Variants in KLHL13 observed in about 807,000 individuals in gnomAD.
KLHL13 encodes the protein kelch like family member 13, also known as kelch-like protein 13.
A neutral mutation model predicts 37.1 loss-of-function variants in KLHL13; 10 were observed. That is an observed-to-expected ratio of 0.27 (90% confidence interval 0.17 to 0.46). KLHL13 has a LOEUF of 0.46. Among genes scored for constraint, KLHL13 ranks in the 20% least tolerant of loss-of-function variants. The pLI is 1.00. For synonymous variants in KLHL13, 163 were observed against 181.2 expected (o/e 0.90, Z 0.81); for missense variants, 360 against 509.3 (o/e 0.71, Z 2.82).
At chrX:118,075,834 G>A (rs2054922985) in intron 1 of KLHL13, among the ~76,000 whole-genome samples, 1 of 111,867 alleles carries the variant, frequency 8.9e-6, no homozygotes, top group Admixed American at 9.5e-5. Flanking sequence ...CTAACTGAAG[G>A]TTGGGTATGC....
intron 1 of KLHL13, among the ~76,000 whole-genome samples, chrX:118,031,296 CTCTT>C (rs1435010259): frequency 9.3e-6 from 1 of 107,788 alleles, no homozygotes; most frequent in African/African-American, 3.4e-5. Context: ...TACTCCTGTT[CTCTT>C]TGTCTTATTG....
chrX:118,011,098 A>G (rs1244427006), intron 1 of KLHL13, among the ~76,000 whole-genome samples: 1 of 108,759 alleles, frequency 9.2e-6, no homozygotes, highest in Non-Finnish European at 1.9e-5. Context: ...ATAAATAAAT[A>G]AATAAGAAAA....
intron 1 of KLHL13, among the ~76,000 whole-genome samples, chrX:118,101,631 G>A (rs866272985): frequency 2.7e-5 from 3 of 111,022 alleles, no homozygotes; most frequent in Middle Eastern, 4.6e-3. Context: ...TAGTGATATC[G>A]TTTGGCTCTG....
chrX:118,033,702 C>T (rs2054392772), intron 1 of KLHL13, among the ~76,000 whole-genome samples: 1 of 108,552 alleles, frequency 9.2e-6, no homozygotes, highest in African/African-American at 3.4e-5. Flanking sequence ...AAATCACCAG[C>T]TAACATCATA....
chrX:117,942,940 G>A (rs1257988355), intron 2 of KLHL13, among the ~76,000 whole-genome samples: 1 of 111,252 alleles, frequency 9.0e-6, no homozygotes, highest in Non-Finnish European at 1.9e-5. Flanking sequence ...TTACAATTTG[G>A]TATGTTTTTG....
At position 117,965,117 on chromosome X, in the gene KLHL13, T is replaced by G. The variant is rs776578481; in HGVS notation, c.98+7614A>C. ...GGTATATACCCAGTAATGGGATGGG[T>G]GGGTCAAATGGTATTTCTAGTTCTA... On this transcript the variant is annotated intron_variant, in intron 1 of 6. Transcript: ENST00000262820. Among the ~76,000 whole-genome samples the G allele has an allele frequency of 8.1e-5, 9 of 111,745 alleles. No homozygotes were observed. The South Asian group carries it at 3.4e-3, about 42-fold the overall frequency.
intron 4 of KLHL13, among the ~76,000 whole-genome samples, chrX:117,914,862 C>A (rs1014064010): frequency 8.9e-6 from 1 of 112,035 alleles, no homozygotes; most frequent in Non-Finnish European, 1.9e-5. Context: ...CAGGCTAGGC[C>A]TCTTCTTCCC....
intron 1 of KLHL13, among the ~76,000 whole-genome samples, chrX:117,953,358 A>G (rs1287918177): frequency 9.1e-6 from 1 of 110,425 alleles, no homozygotes; most frequent in African/African-American, 3.3e-5. Context: ...GAACAATGAG[A>G]AAACATGGAC....
chrX:117,942,801 A>C (rs774472953), intron 2 of KLHL13, among the ~76,000 whole-genome samples: 1 of 111,294 alleles, frequency 9.0e-6, no homozygotes, highest in South Asian at 3.9e-4. Context: ...TGTGTCTTTT[A>C]ATTGGGGCAT....
At chrX:118,079,598 C>G (rs1196214584) in intron 1 of KLHL13, among the ~76,000 whole-genome samples, 1 of 110,111 alleles carries the variant, frequency 9.1e-6, no homozygotes, top group Admixed American at 9.7e-5. Flanking sequence ...GGTAAAAGAT[C>G]TCTACAAGGA....
chrX:117,910,745 A>G (rs1362231935), intron 4 of KLHL13, among the ~76,000 whole-genome samples: 1 of 111,731 alleles, frequency 9.0e-6, no homozygotes, highest in African/African-American at 3.3e-5. Flanking sequence ...TCTTAAGGGC[A>G]GAGGGGTATA....
At chrX:117,962,041 A>AAATAATAATAATAAT (rs778789872) in intron 1 of KLHL13, among the ~76,000 whole-genome samples, 5,185 of 102,230 alleles carry the variant, frequency 0.051, 147 homozygotes, top group Middle Eastern at 0.12. Flanking sequence ...TCATCTCTAC[A>AAATAATAATAATAAT]AATAATAATA....
At chrX:117,993,837 A>C (rs2053822855) in intron 1 of KLHL13, among the ~76,000 whole-genome samples, 1 of 109,192 alleles carries the variant, frequency 9.2e-6, no homozygotes, top group South Asian at 4.1e-4. Context: ...CCTGGGTTCA[A>C]GCAATTCTCC....
intron 1 of KLHL13, among the ~76,000 whole-genome samples, chrX:118,101,003 C>T (rs1465193932): frequency 1.8e-5 from 2 of 111,148 alleles, no homozygotes; most frequent in Non-Finnish European, 1.9e-5. Context: ...AAGTGGAGGC[C>T]CTTGAGCAAG....
At position 118,082,269 on chromosome X, in the gene KLHL13, T is replaced by C. The variant is rs994273339; in HGVS notation, c.-56+34239A>G. On this transcript the variant is annotated intron_variant, in intron 1 of 6. Transcript: ENST00000371882. ...CCTTTTCTCCACATCATCCCCAGCA[T>C]TTATTTCATGTCTTTTTGATAATAG... Among the ~76,000 whole-genome samples the C allele has an allele frequency of 2.7e-5, 3 of 110,613 alleles. No homozygotes were observed. The Admixed American group carries it at 2.9e-4, about 11-fold the overall frequency.
intron 2 of KLHL13, among the ~76,000 whole-genome samples, chrX:117,926,459 A>G (rs1451987805): frequency 9.0e-6 from 1 of 111,332 alleles, no homozygotes; most frequent in Non-Finnish European, 1.9e-5. Flanking sequence ...CTGCAGAAAG[A>G]ACCGCCAAAA....
At chrX:117,906,251 C>T (rs1930528368) in intron 5 of KLHL13, among the ~76,000 whole-genome samples, 1 of 111,692 alleles carries the variant, frequency 9.0e-6, no homozygotes, top group Admixed American at 9.5e-5. Flanking sequence ...GAAATATAGG[C>T]AAGAGTTTCT....
chrX:117,909,225 G>T, intron 5 of KLHL13, 76 bp downstream of exon 6: 1 of 841,845 alleles, frequency 1.2e-6, no homozygotes, highest in Non-Finnish European at 1.7e-6. Flanking sequence ...GATTTTACAG[G>T]ACTGCTTATT....
chrX:117,972,044 A>C (rs1426744441), intron 1 of KLHL13, among the ~76,000 whole-genome samples: 2 of 111,722 alleles, frequency 1.8e-5, no homozygotes, highest in African/African-American at 6.5e-5. Flanking sequence ...AATTTTGAAA[A>C]CTTCTAGAAA....
Sources: gnomAD v4.1 joint callset for allele counts (sites outside exome capture counted in the v4.1 genomes callset) on GRCh38, gnomAD v4.1.1 for gene constraint, MANE v1.5 for transcripts, NCBI Gene and HGNC (gene_info 2026-07-23, HGNC 2026-07-21) for gene names.